TNRC6B: variants seen among roughly 807,000 people sequenced by gnomAD.
TNRC6B encodes the protein trinucleotide repeat containing adaptor 6B.
Under a neutral mutation model 203.6 loss-of-function variants are expected in TNRC6B, and 52 were observed. That is an observed-to-expected ratio of 0.26 (90% confidence interval 0.20 to 0.32). The LOEUF (loss-of-function observed/expected upper bound fraction) is 0.32. Ranked by LOEUF, TNRC6B falls within the 10% of genes least tolerant of loss-of-function variation. TNRC6B has a pLI of 1.00. For missense variants in TNRC6B, 1,923 were observed against 2,286.2 expected, an observed-to-expected ratio of 0.84 and a Z score of 3.24; for synonymous variants, 838 against 845.7, an observed-to-expected ratio of 0.99 and a Z score of 0.16.
At chr22:40,073,725 G>A (rs1396465220) in intron 1 of TNRC6B, among the ~76,000 whole-genome samples, 1 of 151,842 alleles carries the variant, frequency 6.6e-6, no homozygotes, top group Admixed American at 6.6e-5. Flanking sequence ...ACCAGTCTGG[G>A]TAACATGGTG....
chr22:40,208,891 C>CCT (rs2069521545), intron 1 of TNRC6B, among the ~76,000 whole-genome samples: 1 of 152,156 alleles, frequency 6.6e-6, no homozygotes, highest in Admixed American at 6.5e-5. Flanking sequence ...AAAGGAAAGA[C>CCT]CTAGTGATCC....
intron 4 of TNRC6B, among the ~76,000 whole-genome samples, chr22:40,164,533 C>A (rs1029654169): frequency 6.6e-6 from 1 of 150,650 alleles, no homozygotes; most frequent in Non-Finnish European, 1.5e-5. Flanking sequence ...GAGGCCAAGG[C>A]GGGTGGATCA....
At chr22:40,294,173 A>G (rs2070907927) in intron 12 of TNRC6B, among the ~76,000 whole-genome samples, 1 of 151,756 alleles carries the variant, frequency 6.6e-6, no homozygotes, top group Non-Finnish European at 1.5e-5. Flanking sequence ...AAATCACTTG[A>G]GCCCAAGAAG....
Position 40,202,473 on chromosome 22 carries a change from C to T in TNRC6B, c.5+24333C>T, listed in dbSNP as rs558192027. Among the ~76,000 whole-genome samples the T allele has an allele frequency of 3.3e-5, 5 of 152,122 alleles. 1 individual carries two copies. The highest frequency in any genetic ancestry group is 5.9e-5 in the Non-Finnish European group (4 of 67,962). On this transcript the variant is annotated intron_variant, in intron 1 of 22. Coordinates refer to ENST00000454349, the MANE Select transcript of TNRC6B (RefSeq NM_001162501.2). ...TTGCTGCTGTAACTATATATAAACG[C>T]ATGTAGGACAGGAGATGTGCTTGAA...
intron 1 of TNRC6B, among the ~76,000 whole-genome samples, chr22:40,209,272 C>G (rs1275690276): frequency 1.3e-5 from 2 of 151,950 alleles, no homozygotes; most frequent in African/African-American, 2.4e-5. Flanking sequence ...TGCCCCCTTT[C>G]TACCAATATC....
At chr22:40,254,065 T>TA (rs1015635081) in intron 3 of TNRC6B, among the ~76,000 whole-genome samples, 5 of 151,802 alleles carry the variant, frequency 3.3e-5, no homozygotes, top group South Asian at 2.1e-4. Flanking sequence ...TCTCCACCAT[T>TA]AAAAAAAACT....
intron 12 of TNRC6B, among the ~76,000 whole-genome samples, chr22:40,289,123 A>AT (rs1217206558): frequency 3.3e-5 from 5 of 151,854 alleles, no homozygotes; most frequent in Non-Finnish European, 5.9e-5. Context: ...CCTACAAAAA[A>AT]TTTTTTTTAA....
rs1205482421 is a variant in TNRC6B, at chr22:40,170,885, A to G, written c.113+14703A>G. Reference sequence around the variant, plus strand: ...TACATATATGTACATATATGTGTGTATACATATATACCTATATATGTGCAT... The same window carrying G: ...TACATATATGTACATATATGTGTGTGTACATATATACCTATATATGTGCAT... On this transcript the variant is annotated intron_variant, in intron 4 of 23. Coordinates refer to the TNRC6B transcript ENST00000301923. 4.4e-5 allele frequency among the ~76,000 whole-genome samples: 6 copies of G among 137,406 alleles called. No homozygotes were observed. In the East Asian group the frequency reaches 8.5e-4, roughly 20 times the overall value. 90.1% of individuals were successfully genotyped at this position (137,406 alleles called of 152,430 possible).
At chr22:40,242,851 C>T (rs1210196635) in intron 1 of TNRC6B, among the ~76,000 whole-genome samples, 5 of 151,902 alleles carry the variant, frequency 3.3e-5, no homozygotes, top group African/African-American at 4.8e-5. Flanking sequence ...GGCTCTCACT[C>T]AGAACAGGGA....
intron 4 of TNRC6B, among the ~76,000 whole-genome samples, chr22:40,165,033 C>T (rs564306636): frequency 2.0e-5 from 3 of 151,252 alleles, no homozygotes; most frequent in South Asian, 2.1e-4. Context: ...CCGCCTGCCT[C>T]AGCCTCCCAA....
chr22:40,207,792 C>T (rs1261035380), intron 1 of TNRC6B, among the ~76,000 whole-genome samples: 1 of 151,926 alleles, frequency 6.6e-6, no homozygotes, highest in Admixed American at 6.6e-5. Flanking sequence ...ATTTTATACT[C>T]ATAAAATTGG....
chr22:40,048,171 C>T (rs1040341512), intron 1 of TNRC6B, among the ~76,000 whole-genome samples: 2 of 152,158 alleles, frequency 1.3e-5, no homozygotes, highest in African/African-American at 2.4e-5. Flanking sequence ...CCTTTCTTCA[C>T]GTCTTCACTA....
In TNRC6B at chr22:40,266,590, G is replaced by C. The variant is rs377635719; in HGVS notation, c.2360G>C (p.Gly787Ala). The C allele has an allele frequency of 4.3e-6, 7 of 1,612,732 alleles. No homozygotes were observed. In the African/African-American group the frequency reaches 9.3e-5, roughly 22 times the overall value. ...GAAATCGGGACTTGGGGTAATGGTG[G>C]CAATGCAAGCCTAGCTTCAAAAGGT... is the stretch of plus-strand genomic sequence containing the variant. ...QNEIGTWGNGGNASLASKGGW... is the reference protein window; with the variant it reads ...QNEIGTWGNGANASLASKGGW... Residue 787 changes from glycine to alanine, a missense_variant, in exon 5 of 23, where the codon GGC (glycine) becomes GCC (alanine). By Grantham distance (60) the Gly-to-Ala change is moderately conservative. Transcript: ENST00000454349.
chr22:40,076,882 G>T (rs999244842), intron 1 of TNRC6B, among the ~76,000 whole-genome samples: 1 of 151,972 alleles, frequency 6.6e-6, no homozygotes, highest in Admixed American at 6.6e-5. Flanking sequence ...ATTCTTAGCT[G>T]GGTGCGGGGG....
At chr22:40,112,291 C>T (rs1434715401) in intron 1 of TNRC6B, among the ~76,000 whole-genome samples, 1 of 152,186 alleles carries the variant, frequency 6.6e-6, no homozygotes, top group Non-Finnish European at 1.5e-5. Context: ...GGTGAAGGGA[C>T]TAAACCTGCT....
At chr22:40,318,344 G>C (rs1241172805) in intron 21 of TNRC6B, among the ~76,000 whole-genome samples, 2 of 152,104 alleles carry the variant, frequency 1.3e-5, no homozygotes, top group Middle Eastern at 3.4e-3. Flanking sequence ...TCAGGCAATC[G>C]AGACCATCCT....
At chr22:40,162,295 C>T (rs947360276) in intron 4 of TNRC6B, among the ~76,000 whole-genome samples, 20 of 152,008 alleles carry the variant, frequency 1.3e-4, no homozygotes, top group South Asian at 4.2e-4. Context: ...GGGGTTTCAC[C>T]GTGTTAGCCA....
chr22:40,077,517 A>G (rs562522659), intron 1 of TNRC6B, among the ~76,000 whole-genome samples: 2 of 152,294 alleles, frequency 1.3e-5, no homozygotes, highest in East Asian at 3.9e-4. Context: ...TATAGTAACC[A>G]TTAAAATTTT....
At chr22:40,292,970 A>T (rs1392488398) in intron 12 of TNRC6B, among the ~76,000 whole-genome samples, 1 of 152,050 alleles carries the variant, frequency 6.6e-6, no homozygotes, top group Non-Finnish European at 1.5e-5. Flanking sequence ...TTTGCACTTA[A>T]CCCATATAGT....
Sources: gnomAD v4.1 joint callset for allele counts (sites outside exome capture counted in the v4.1 genomes callset) on GRCh38, gnomAD v4.1.1 for gene constraint, MANE v1.5 for transcripts, NCBI Gene and HGNC (gene_info 2026-07-23, HGNC 2026-07-21) for gene names.